Variants in HNF4G observed in about 807,000 individuals in gnomAD.
HNF4G encodes the protein hepatocyte nuclear factor 4 gamma.
HNF4G carries 21 observed loss-of-function variants against 50.9 expected under a neutral mutation model. That is an observed-to-expected ratio of 0.41 (90% CI 0.29 to 0.59). The LOEUF is 0.59. HNF4G is among the 20% of genes least tolerant of loss of function. The probability of loss-of-function intolerance (pLI) is 0.26; values close to 1 mark genes in which losing one functional copy is unlikely to be tolerated. For synonymous variants in HNF4G, 198 were observed against 185.6 expected (o/e 1.07, Z -0.54); for missense variants, 527 against 559.4 (o/e 0.94, Z 0.58).
In HNF4G at chr8:75,482,657, C is replaced by T. The variant is rs570116263; in HGVS notation, c.-143-7432C>T. 7.9e-5 allele frequency among the ~76,000 whole-genome samples: 12 copies of T among 152,270 alleles called. No individual in the cohort carries two copies. In the East Asian group the frequency reaches 2.1e-3, roughly 27 times the overall value. On this transcript the variant is annotated intron_variant, in intron 1 of 10. Transcript: ENST00000354370. ...TGCTGGGATTACAGGTGTGAGCCAC[C>T]GCCCCCCGGCTGGTTTTTGTTTTGT... is the stretch of plus-strand genomic sequence containing the variant.
chr8:75,421,450 T>C (rs972191973), intron 1 of HNF4G, among the ~76,000 whole-genome samples: 2 of 152,236 alleles, frequency 1.3e-5, no homozygotes, highest in African/African-American at 4.8e-5. Context: ...CTATTTTCAA[T>C]GACTTTTAAA....
chr8:75,524,077 C>T (rs982348129), intron 2 of HNF4G, among the ~76,000 whole-genome samples: 28 of 151,914 alleles, frequency 1.8e-4, no homozygotes, highest in African/African-American at 5.3e-4. Flanking sequence ...AGCTTGATAA[C>T]GTTTACAACT....
intron 1 of HNF4G, among the ~76,000 whole-genome samples, chr8:75,540,288 C>A (rs1806578575): frequency 6.6e-6 from 1 of 151,938 alleles, no homozygotes; most frequent in South Asian, 2.1e-4. Flanking sequence ...GTAGAAAAAG[C>A]CTGGTTTTGT....
At chr8:75,433,684 C>A (rs1811069554) in intron 1 of HNF4G, among the ~76,000 whole-genome samples, 1 of 152,034 alleles carries the variant, frequency 6.6e-6, no homozygotes, top group South Asian at 2.1e-4. Flanking sequence ...CAGGCATAAG[C>A]CACCACGCTT....
chr8:75,481,428 G>A (rs1812375834), intron 1 of HNF4G, among the ~76,000 whole-genome samples: 1 of 152,166 alleles, frequency 6.6e-6, no homozygotes, highest in Non-Finnish European at 1.5e-5. Context: ...CTATCCCTGA[G>A]ATGAATTGAA....
chr8:75,492,072 T>C (rs1401046165), intron 2 of HNF4G, among the ~76,000 whole-genome samples: 1 of 152,240 alleles, frequency 6.6e-6, no homozygotes, highest in East Asian at 1.9e-4. Context: ...ATGACTTCAT[T>C]TCATTTTTTC....
intron 2 of HNF4G, among the ~76,000 whole-genome samples, chr8:75,504,446 CAA>C (rs1167542662): frequency 6.6e-6 from 1 of 152,058 alleles, no homozygotes; most frequent in East Asian, 1.9e-4. Flanking sequence ...TCAAAAGTTA[CAA>C]GCATTTTAAT....
At chr8:75,547,923 G>C (rs1216080415) in intron 3 of HNF4G, among the ~76,000 whole-genome samples, 1 of 151,700 alleles carries the variant, frequency 6.6e-6, no homozygotes, top group Admixed American at 6.6e-5. Context: ...CCATTACATT[G>C]TCCAAGGCAA....
Position 75,486,355 on chromosome 8 carries a change from T to G in HNF4G, c.-143-3734T>G, listed in dbSNP as rs150823220. ...CTCAACATGCTTTCTGGTTGAACCT[T>G]AGCAGTACCTTTTGTTATATTTTAA... On this transcript the variant is annotated intron_variant, in intron 1 of 10. Coordinates refer to the HNF4G transcript ENST00000354370. Among the ~76,000 whole-genome samples the G allele has an allele frequency of 3.2e-3, 488 of 152,320 alleles. 1 individual carries two copies. Among genetic ancestry groups the G allele is most frequent in the Non-Finnish European group, 5.1e-3 (344 of 68,024 alleles).
chr8:75,461,285 T>A (rs1811834209), intron 1 of HNF4G, among the ~76,000 whole-genome samples: 1 of 152,166 alleles, frequency 6.6e-6, no homozygotes, highest in African/African-American at 2.4e-5. Flanking sequence ...CTTCCCTTTT[T>A]TAGCTTCCAG....
chr8:75,500,133 G>T lies in HNF4G; in HGVS notation c.-24+9925G>T, dbSNP rs80190033. The stretch of plus-strand genomic sequence containing the variant: ...TTTACAAATCATATGTCAGATAAGG[G>T]TCTTGTATCCAGAATATATAAAGAA... On this transcript the variant is annotated intron_variant, in intron 2 of 10. Coordinates refer to the HNF4G transcript ENST00000354370. 9.4e-3 allele frequency among the ~76,000 whole-genome samples: 1,433 copies of T among 152,132 alleles called. 32 individuals carry two copies. Among genetic ancestry groups the T allele is most frequent in the African/African-American group, 0.033 (1,371 of 41,512 alleles).
At chr8:75,518,810 C>A (rs1272201675) in intron 2 of HNF4G, among the ~76,000 whole-genome samples, 1 of 152,074 alleles carries the variant, frequency 6.6e-6, no homozygotes, top group Non-Finnish European at 1.5e-5. Flanking sequence ...TCTGATATAC[C>A]CCAGAGACAT....
chr8:75,452,496 G>C (rs975810326), intron 1 of HNF4G, among the ~76,000 whole-genome samples: 1 of 152,096 alleles, frequency 6.6e-6, no homozygotes, highest in African/African-American at 2.4e-5. Flanking sequence ...GAAGCGGGGG[G>C]ATCATGAGGT....
At chr8:75,442,754 G>A (rs1268409432) in intron 1 of HNF4G, among the ~76,000 whole-genome samples, 10 of 151,952 alleles carry the variant, frequency 6.6e-5, no homozygotes, top group Admixed American at 6.6e-4. Flanking sequence ...TTTATATTGA[G>A]TTTGAATATA....
At chr8:75,543,703 T>A in intron 1 of HNF4G, 108 bp from the exon 2 acceptor site, 2 of 879,150 alleles carry the variant, frequency 2.3e-6, no homozygotes, top group South Asian at 4.1e-5. Context: ...GTGTGGGGTC[T>A]CCAAGAAGCC....
At chr8:75,437,726 G>T (rs1333575483) in intron 1 of HNF4G, among the ~76,000 whole-genome samples, 3 of 151,620 alleles carry the variant, frequency 2.0e-5, no homozygotes, top group African/African-American at 7.3e-5. Flanking sequence ...TACACTTCCA[G>T]AAAACAATAA....
At chr8:75,522,629 T>C (rs1347489763) in intron 2 of HNF4G, among the ~76,000 whole-genome samples, 1 of 152,190 alleles carries the variant, frequency 6.6e-6, no homozygotes, top group African/African-American at 2.4e-5. Flanking sequence ...TCTTGGCCTG[T>C]AGTCACTACA....
chr8:75,515,379 G>A (rs1241079891), intron 2 of HNF4G, among the ~76,000 whole-genome samples: 2 of 152,098 alleles, frequency 1.3e-5, no homozygotes, highest in South Asian at 4.2e-4. Context: ...ATTCTCCAGA[G>A]AAACAACCAA....
At chr8:75,500,142 C>T (rs1227176167) in intron 2 of HNF4G, among the ~76,000 whole-genome samples, 1 of 151,958 alleles carries the variant, frequency 6.6e-6, no homozygotes, top group African/African-American at 2.4e-5. Flanking sequence ...GGTCTTGTAT[C>T]CAGAATATAT....
Sources: gnomAD v4.1 joint callset for allele counts (sites outside exome capture counted in the v4.1 genomes callset) on GRCh38, gnomAD v4.1.1 for gene constraint, MANE v1.5 for transcripts, NCBI Gene and HGNC (gene_info 2026-07-23, HGNC 2026-07-21) for gene names.